Variants in RELN observed in about 807,000 individuals in gnomAD.
RELN encodes the protein reelin.
RELN carries 108 observed loss-of-function variants against 427.6 expected under a neutral mutation model. That is an observed-to-expected ratio of 0.25 (90% confidence interval 0.22 to 0.30). The LOEUF is 0.30. RELN is among the 10% of genes least tolerant of loss of function. The pLI is 1.00. For missense variants in RELN, 3,715 were observed against 4,302.8 expected (o/e 0.86, Z 3.82); for synonymous variants, 1,524 against 1,513.4 (o/e 1.01, Z -0.16).
chr7:103,815,814 C>T (rs1792855568), intron 3 of RELN, among the ~76,000 whole-genome samples: 1 of 152,192 alleles, frequency 6.6e-6, no homozygotes, highest in Admixed American at 6.5e-5. Context: ...AGACTTTGTC[C>T]ATTCCCAGCA....
chr7:103,595,327 A>G (rs984111562), intron 25 of RELN, among the ~76,000 whole-genome samples: 6 of 152,146 alleles, frequency 3.9e-5, no homozygotes, highest in Non-Finnish European at 8.8e-5. Flanking sequence ...GAATCTCACA[A>G]GGCTTCATCT....
chr7:103,640,944 A>G lies in RELN; in HGVS notation c.2003-335T>C, dbSNP rs1485134032. The stretch of plus-strand genomic sequence containing the variant: ...TTTATTTTCATTAGGTAGAAAAAAA[A>G]TATTTAAAAAGGACCAATCTGATAT... On this transcript the variant is annotated intron_variant, in intron 16 of 64. Coordinates refer to ENST00000428762, the MANE Select transcript of RELN (RefSeq NM_005045.4). The surrounding 1 kb of genome is among the most constrained non-coding windows in gnomAD (Gnocchi z 4.1). Among the ~76,000 whole-genome samples, 2 of 152,208 alleles carry G rather than the reference A, an allele frequency of 1.3e-5. No individual in the cohort carries two copies. The highest frequency in any genetic ancestry group is 2.1e-4 in the South Asian group (1 of 4,830).
Position 103,566,723 on chromosome 7 carries a change from A to G in RELN, c.4625T>C (p.Leu1542Pro). 1 of 1,614,136 alleles carries G rather than the reference A, an allele frequency of 6.2e-7. No individual in the cohort carries two copies. Among genetic ancestry groups the G allele is most frequent in the Non-Finnish European group, 8.5e-7 (1 of 1,179,944 alleles). Residue 1542 changes from leucine (L) to proline (P), a missense_variant, in exon 32 of 65, where the codon CTC becomes CCC. Physicochemically the swap from Leu to Pro is moderately conservative, Grantham distance 98. Around this residue, in one of 4 missense-constraint regions of RELN, gnomAD observed 2,208 missense variants for 2,361.7 expected, o/e 0.93. Transcript: ENST00000428762. ...GTCCAACTCTCGAAGCAAATGCCAG[A>G]GTATCCCATTGTCATTTGAATACTG... ...IVQYSNDNGI[L>P]WHLLRELDFM... is the part of the protein sequence containing the mutation.
At chr7:103,494,129 A>C (rs1010290112) in intron 57 of RELN, among the ~76,000 whole-genome samples, 1 of 152,176 alleles carries the variant, frequency 6.6e-6, no homozygotes, top group Non-Finnish European at 1.5e-5. Flanking sequence ...ACACTTCTTC[A>C]TATCACTAAG....
In RELN at chr7:103,787,082, C is replaced by G. The variant is rs535981659; in HGVS notation, c.474-10455G>C. Among the ~76,000 whole-genome samples, 4 of 152,186 alleles carry G rather than the reference C, an allele frequency of 2.6e-5. No individual in the cohort carries two copies. The South Asian group carries it at 8.3e-4, about 32-fold the overall frequency. On this transcript the variant is annotated intron_variant, in intron 3 of 64. Coordinates refer to ENST00000428762, the MANE Select transcript of RELN (RefSeq NM_005045.4). ...CACAACTACATGGAAACTGAAAAAC[C>G]TGCTCCTGAATGACTACTGGGTAAA...
intron 6 of RELN, among the ~76,000 whole-genome samples, chr7:103,746,110 C>T (rs1790820069): frequency 6.6e-6 from 1 of 152,086 alleles, no homozygotes; most frequent in African/African-American, 2.4e-5. Flanking sequence ...AGAAATAATG[C>T]TGCATATCTA....
intron 2 of RELN, among the ~76,000 whole-genome samples, chr7:103,865,478 G>C (rs1340311928): frequency 6.6e-6 from 1 of 152,054 alleles, no homozygotes; most frequent in Non-Finnish European, 1.5e-5. Flanking sequence ...TATCCCTAAT[G>C]AACATAAATG....
chr7:103,881,132 C>A (rs562131118), intron 2 of RELN, among the ~76,000 whole-genome samples: 2 of 152,248 alleles, frequency 1.3e-5, no homozygotes, highest in East Asian at 3.9e-4. Flanking sequence ...CTTTCAATTC[C>A]CTACCACCTA....
At chr7:103,958,251 A>G (rs1231762030) in intron 1 of RELN, among the ~76,000 whole-genome samples, 1 of 152,206 alleles carries the variant, frequency 6.6e-6, no homozygotes, top group African/African-American at 2.4e-5. Context: ...TCTGTCACAA[A>G]AAAGACCCAG....
rs34125550 is a variant in RELN, at chr7:103,561,959, CAAA to C, written c.5211-9_5211-7del. On this transcript the variant is annotated splice_region_variant and splice_polypyrimidine_tract_variant and intron_variant, in intron 34 of 64. Transcript: ENST00000428762. Reference sequence around the variant, plus strand: ...TGAACCGGGTCCTGGGAGAACTAACCAAAAAAAAAAAAAAAAAAACACACCACT... The same window carrying C: ...TGAACCGGGTCCTGGGAGAACTAACCAAAAAAAAAAAAAAAACACACCACT... 0.017 allele frequency: 21,739 copies of C among 1,296,842 alleles called. 2 individuals carry two copies. The highest frequency in any genetic ancestry group is 0.026 in the Middle Eastern group (96 of 3,630). 80.3% of individuals were successfully genotyped at this position (1,296,842 alleles called of 1,614,324 possible). A position where few individuals can be genotyped will look rare whatever the true frequency, so the allele number is the denominator to read the frequency against.
At chr7:103,950,092 T>C (rs1796303677) in intron 1 of RELN, among the ~76,000 whole-genome samples, 1 of 152,236 alleles carries the variant, frequency 6.6e-6, no homozygotes, top group South Asian at 2.1e-4. Flanking sequence ...GCCTGTTTCC[T>C]GGTTTATAGA....
At chr7:103,557,223 T>C in intron 37 of RELN, 64 bp from the exon 38 acceptor site, 2 of 1,348,526 alleles carry the variant, frequency 1.5e-6, no homozygotes, top group East Asian at 4.7e-5. Context: ...GGTATGTTCT[T>C]AGCTGAATCT....
At chr7:103,792,750 T>C (rs1392834403) in intron 3 of RELN, among the ~76,000 whole-genome samples, 4 of 151,996 alleles carry the variant, frequency 2.6e-5, no homozygotes, top group African/African-American at 4.8e-5. Flanking sequence ...AGCCACCTAA[T>C]TGTATAGTTT....
intron 3 of RELN, among the ~76,000 whole-genome samples, chr7:103,819,139 T>C (rs1200469514): frequency 2.0e-5 from 3 of 152,200 alleles, no homozygotes; most frequent in Non-Finnish European, 2.9e-5. Context: ...TGTATTTTTA[T>C]GTACATAGGC....
chr7:103,731,146 C>T (rs933490641), intron 6 of RELN, among the ~76,000 whole-genome samples: 4 of 152,058 alleles, frequency 2.6e-5, no homozygotes, highest in Non-Finnish European at 5.9e-5. Context: ...ACACTGGTTG[C>T]GATGGTACCT....
chr7:103,986,761 T>A (rs928674780), intron 1 of RELN, among the ~76,000 whole-genome samples: 7 of 152,088 alleles, frequency 4.6e-5, no homozygotes, highest in African/African-American at 1.7e-4. Flanking sequence ...ACTTTAAAGA[T>A]CCAGAAGGTT....
intron 1 of RELN, among the ~76,000 whole-genome samples, chr7:103,951,063 G>T (rs985460180): frequency 2.6e-5 from 4 of 152,262 alleles, no homozygotes; most frequent in Non-Finnish European, 5.9e-5. Context: ...CTGAGTAGCT[G>T]GGATTACAGG....
At chr7:103,663,031 C>T (rs1232647697) in intron 11 of RELN, among the ~76,000 whole-genome samples, 1 of 104,462 alleles carries the variant, frequency 9.6e-6, no homozygotes, top group African/African-American at 3.4e-5. Flanking sequence ...GTCACTAAAA[C>T]ATTCTGTCAG....
chr7:103,489,402 G>A (rs1012457301), intron 60 of RELN, among the ~76,000 whole-genome samples: 14 of 152,148 alleles, frequency 9.2e-5, no homozygotes, highest in Non-Finnish European at 1.8e-4. Flanking sequence ...ATTAAGTGTT[G>A]GGGCTGTGGG....
Sources: gnomAD v4.1 joint callset for allele counts (sites outside exome capture counted in the v4.1 genomes callset) on GRCh38, gnomAD v4.1.1 for gene constraint, gnomAD v4.1.1 regional missense constraint, Gnocchi (gnomAD v3.1) non-coding constraint, MANE v1.5 for transcripts, NCBI Gene and HGNC (gene_info 2026-07-23, HGNC 2026-07-21) for gene names.